Variants in FAM124A observed in about 807,000 individuals in gnomAD.
FAM124A encodes family with sequence similarity 124 member A, also known as protein FAM124A.
A neutral mutation model predicts 24.5 loss-of-function variants in FAM124A; 23 were observed. The ratio of observed to expected loss-of-function variants is 0.94; its 90% CI spans 0.68 to 1.33. The LOEUF is 1.33. FAM124A is among the 40% of genes most tolerant of loss of function. The pLI is 0.00. For synonymous variants in FAM124A, 287 were observed against 314.7 expected (o/e 0.91, Z 0.93); for missense variants, 623 against 722.8 (o/e 0.86, Z 1.58).
chr13:51,252,386 A>G (rs553392074), intron 3 of FAM124A, 185 bp downstream of exon 3: 4 of 731,300 alleles, frequency 5.5e-6, no homozygotes, highest in Non-Finnish European at 8.6e-6. Context: ...GGCAAGAAAG[A>G]CTCTTCCCAT....
chr13:51,222,604 C>T, intron 1 of FAM124A, 35 bp downstream of exon 1: 10 of 1,217,664 alleles, frequency 8.2e-6, no homozygotes, highest in East Asian at 3.3e-5. Context: ...GGGCGGGGGG[C>T]GCTCTCCGAG....
intron 3 of FAM124A, among the ~76,000 whole-genome samples, chr13:51,276,093 A>G (rs1160591723): frequency 6.6e-6 from 1 of 152,184 alleles, no homozygotes; most frequent in Non-Finnish European, 1.5e-5. Context: ...AGGATTCTAG[A>G]AAGACACAAG....
intron 3 of FAM124A, among the ~76,000 whole-genome samples, chr13:51,271,359 G>A (rs1320535052): frequency 6.6e-6 from 1 of 152,084 alleles, no homozygotes; most frequent in Non-Finnish European, 1.5e-5. Context: ...GTAAAAAAAG[G>A]CATTTTTTAA....
At position 51,280,168 on chromosome 13, in the gene FAM124A, G is replaced by A. The variant is rs147116752; in HGVS notation, c.835-282G>A. ...CCCATGTTCTTTTTGCCAGTTTGTT[G>A]AGCGCAATGGGCATGTGTGCTTTAA... On this transcript the variant is annotated intron_variant, in intron 3 of 3. Transcript: ENST00000322475. Among the ~76,000 whole-genome samples the A allele has an allele frequency of 5.3e-5, 8 of 152,280 alleles. No individual in the cohort carries two copies. In the East Asian group the frequency reaches 1.5e-3, roughly 29 times the overall value.
chr13:51,257,255 C>CAG (rs1954684948), intron 3 of FAM124A, among the ~76,000 whole-genome samples: 1 of 152,170 alleles, frequency 6.6e-6, no homozygotes, highest in Admixed American at 6.5e-5. Flanking sequence ...AGGAAAGGAA[C>CAG]CACCACACTG....
intron 1 of FAM124A, among the ~76,000 whole-genome samples, chr13:51,225,976 CTTTTTTTTTTTTTTT>C (rs780570797): frequency 1.2e-4 from 8 of 67,578 alleles, no homozygotes; most frequent in South Asian, 7.4e-4. Context: ...TGCTTGCTTT[CTTTTTTTTTTTTTTT>C]TTTTTTTTTT....
At chr13:51,228,967 AGT>A (rs1954345213) in intron 1 of FAM124A, among the ~76,000 whole-genome samples, 1 of 152,248 alleles carries the variant, frequency 6.6e-6, no homozygotes, top group Non-Finnish European at 1.5e-5. Context: ...AATAAATTAT[AGT>A]GTATTAATTT....
intron 3 of FAM124A, among the ~76,000 whole-genome samples, chr13:51,277,819 A>G (rs1426225682): frequency 9.6e-6 from 1 of 104,352 alleles, no homozygotes; most frequent in Non-Finnish European, 1.8e-5. Flanking sequence ...GATTCTATCC[A>G]TGTGCCAGGG....
chr13:51,255,471 T>C (rs750999730), intron 3 of FAM124A, among the ~76,000 whole-genome samples: 68 of 152,218 alleles, frequency 4.5e-4, no homozygotes, highest in Non-Finnish European at 7.9e-4. Context: ...CCAGCACTGT[T>C]CCAGAAATGA....
At chr13:51,259,248 ACT>A (rs1954707344) in intron 3 of FAM124A, among the ~76,000 whole-genome samples, 1 of 152,080 alleles carries the variant, frequency 6.6e-6, no homozygotes, top group African/African-American at 2.4e-5. Context: ...TCCCACAGCC[ACT>A]TCTCCACTGG....
chr13:51,237,630 C>T (rs1249560329), intron 2 of FAM124A, among the ~76,000 whole-genome samples: 1 of 152,188 alleles, frequency 6.6e-6, no homozygotes, highest in African/African-American at 2.4e-5. Context: ...GCCATGGCTG[C>T]AGAAACCAGT....
intron 2 of FAM124A, among the ~76,000 whole-genome samples, chr13:51,236,790 A>G (rs1320887992): frequency 1.3e-5 from 2 of 152,370 alleles, no homozygotes; most frequent in Non-Finnish European, 2.9e-5. Flanking sequence ...AGGAAGATCA[A>G]TGTGTCAGAA....
At chr13:51,231,996 G>A (rs1271104723) in intron 2 of FAM124A, among the ~76,000 whole-genome samples, 1 of 152,122 alleles carries the variant, frequency 6.6e-6, no homozygotes, top group South Asian at 2.1e-4. Context: ...ATGTATAACC[G>A]ATGTAGGTTG....
intron 2 of FAM124A, among the ~76,000 whole-genome samples, chr13:51,234,138 C>T (rs1193072496): frequency 1.3e-5 from 2 of 152,228 alleles, no homozygotes; most frequent in Non-Finnish European, 2.9e-5. Context: ...TAATTCTAAT[C>T]ATTCACTATT....
chr13:51,274,093 T>C (rs1461851492), intron 3 of FAM124A, among the ~76,000 whole-genome samples: 4 of 152,356 alleles, frequency 2.6e-5, no homozygotes, highest in African/African-American at 9.6e-5. Flanking sequence ...GTCACTTTGA[T>C]TTTCTCTGTT....
intron 2 of FAM124A, among the ~76,000 whole-genome samples, chr13:51,234,810 G>A (rs1178568828): frequency 6.6e-6 from 1 of 152,204 alleles, no homozygotes; most frequent in Non-Finnish European, 1.5e-5. Context: ...GGGCCGGCCA[G>A]AATCAACCCG....
At position 51,282,881 on chromosome 13, in the gene FAM124A, G is replaced by C. The variant is rs1057393719; in HGVS notation, c.*1625G>C. On this transcript the variant is annotated 3_prime_UTR_variant, in exon 4 of 4. Transcript: ENST00000322475. ...TTTAAAAATATAGTCTCCTAATTCAGGATAAGGAGTAAGCAAACTTTCTGA... is the reference window on the plus strand; with the variant it reads ...TTTAAAAATATAGTCTCCTAATTCACGATAAGGAGTAAGCAAACTTTCTGA... 6 of 152,122 alleles carry C rather than the reference G, an allele frequency of 3.9e-5. No homozygotes were observed. Among genetic ancestry groups the C allele is most frequent in the African/African-American group, 1.4e-4 (6 of 41,418 alleles). 9.4% of individuals were successfully genotyped at this position (152,122 alleles called of 1,614,324 possible).
At chr13:51,245,414 C>T in intron 2 of FAM124A, 1 of 644,560 alleles carries the variant, frequency 1.6e-6, no homozygotes. Context: ...CATACCTGGC[C>T]CTCAGGTAGC....
chr13:51,226,429 G>A (rs1954316368), intron 1 of FAM124A, among the ~76,000 whole-genome samples: 1 of 152,086 alleles, frequency 6.6e-6, no homozygotes, highest in Non-Finnish European at 1.5e-5. Flanking sequence ...GTTTCTCTTT[G>A]GTGTAAATAC....
Sources: allele counts gnomAD v4.1 joint callset (sites outside exome capture counted in the v4.1 genomes callset), GRCh38; gene constraint gnomAD v4.1.1; transcripts MANE v1.5; gene names NCBI Gene and HGNC (gene_info 2026-07-23, HGNC 2026-07-21).